CARF: variants seen among roughly 807,000 people sequenced by gnomAD.
The protein encoded by CARF is calcium-responsive transcription factor.
Under a neutral mutation model 82.0 loss-of-function variants are expected in CARF, and 57 were observed. The ratio of observed to expected loss-of-function variants is 0.70; its 90% CI spans 0.56 to 0.87. The LOEUF (loss-of-function observed/expected upper bound fraction) is 0.87, where lower values mean the gene tolerates loss of function less well. Among genes scored for constraint, CARF ranks in the 40% least tolerant of loss-of-function variants. The probability of loss-of-function intolerance (pLI) is 0.00; values close to 1 mark genes in which losing one functional copy is unlikely to be tolerated. For missense variants in CARF, 771 were observed against 855.8 expected, an observed-to-expected ratio of 0.90 and a Z score of 1.24; for synonymous variants, 268 against 290.1, an observed-to-expected ratio of 0.92 and a Z score of 0.77.
chr2:202,966,951 A>G (rs1392124529), intron 9 of CARF, 27 bp from the exon 10 acceptor site: 4 of 1,608,708 alleles, frequency 2.5e-6, no homozygotes, highest in Non-Finnish European at 3.4e-6. Flanking sequence ...ACTTGAATTA[A>G]TATCAATAGT....
chr2:202,958,066 ATATT>A (rs1338813440), intron 8 of CARF, among the ~76,000 whole-genome samples: 1 of 152,228 alleles, frequency 6.6e-6, no homozygotes, highest in Admixed American at 6.5e-5. Flanking sequence ...ATGGTAGTGA[ATATT>A]TAACTATCAG....
intron 3 of CARF, among the ~76,000 whole-genome samples, chr2:202,940,940 T>C (rs1313500529): frequency 6.6e-6 from 1 of 152,122 alleles, no homozygotes; most frequent in African/African-American, 2.4e-5. Context: ...TTGTTTTGTA[T>C]GTTTTGTAGC....
At chr2:202,919,722 G>C (rs1263424506) in intron 2 of CARF, among the ~76,000 whole-genome samples, 1 of 152,080 alleles carries the variant, frequency 6.6e-6, no homozygotes, top group East Asian at 1.9e-4. Context: ...ACTAATAAAG[G>C]CAGAAGAGAG....
chr2:202,937,587 A>G (rs1015971704), intron 3 of CARF, among the ~76,000 whole-genome samples: 1 of 151,926 alleles, frequency 6.6e-6, no homozygotes, highest in South Asian at 2.1e-4. Context: ...ATGTGCTTGT[A>G]TGGCATGACT....
chr2:202,955,628 G>A (rs769928019), intron 7 of CARF, 46 bp from the exon 8 acceptor site: 1 of 1,369,828 alleles, frequency 7.3e-7, no homozygotes, highest in South Asian at 1.3e-5. Context: ...TGCATTTTGT[G>A]TGTTCATTGA....
Position 202,954,144 on chromosome 2 carries a change from C to T in CARF, c.557+10C>T, listed in dbSNP as rs747625428. 7.5e-6 allele frequency: 12 copies of T among 1,603,016 alleles called. No individual in the cohort carries two copies. Among genetic ancestry groups the T allele is most frequent in the Admixed American group, 3.5e-5 (2 of 57,094 alleles). ...AAAAGTCAGTGACCGGGTGAGTCCA[C>T]GGGAAAGAGAAGCTCATCTTTTAAT... On this transcript the variant is annotated intron_variant, in intron 7 of 16. Coordinates refer to ENST00000438828, the MANE Select transcript of CARF (RefSeq NM_024744.17).
intron 11 of CARF, among the ~76,000 whole-genome samples, chr2:202,970,421 C>A (rs373223196): frequency 5.9e-5 from 9 of 152,062 alleles, no homozygotes; most frequent in Non-Finnish European, 1.0e-4. Context: ...AAACTTCAGC[C>A]GCCTGTCATT....
At chr2:202,930,144 C>T (rs573914847) in intron 3 of CARF, among the ~76,000 whole-genome samples, 1 of 152,102 alleles carries the variant, frequency 6.6e-6, no homozygotes, top group Non-Finnish European at 1.5e-5. Context: ...GCCTCCTGGG[C>T]TCAAGCGATT....
intron 3 of CARF, among the ~76,000 whole-genome samples, chr2:202,928,512 A>G (rs1279687774): frequency 6.6e-6 from 1 of 152,084 alleles, no homozygotes; most frequent in Non-Finnish European, 1.5e-5. Flanking sequence ...GCTGGATCAT[A>G]TGGTAGTCTA....
intron 2 of CARF, among the ~76,000 whole-genome samples, chr2:202,923,508 A>T (rs1033343041): frequency 6.6e-6 from 1 of 152,256 alleles, no homozygotes; most frequent in African/African-American, 2.4e-5. Context: ...TCCCATGTTC[A>T]TGGATGGGTA....
intron 8 of CARF, among the ~76,000 whole-genome samples, chr2:202,960,487 T>G (rs2059262580): frequency 6.6e-6 from 1 of 152,054 alleles, no homozygotes; most frequent in African/African-American, 2.4e-5. Flanking sequence ...TGACCTCAGG[T>G]GATCTGCCCA....
chr2:202,939,177 A>G (rs760257798), intron 3 of CARF, among the ~76,000 whole-genome samples: 2 of 152,138 alleles, frequency 1.3e-5, no homozygotes, highest in Non-Finnish European at 2.9e-5. Context: ...CTGTGGATTC[A>G]TGTCTTTAGT....
At position 202,977,218 on chromosome 2, in the gene CARF, T is replaced by C. The variant is rs1191610283; in HGVS notation, c.1495-51T>C. On this transcript the variant is annotated intron_variant, in intron 13 of 16. Transcript: ENST00000438828. ...ACAGTCGTAATGACGTCTTAAGATA[T>C]TTTTCAATATAAGAGCTTTATTTTT... The C allele has an allele frequency of 6.7e-6, 9 of 1,347,416 alleles. No homozygotes were observed. The East Asian group carries it at 2.1e-4, about 31-fold the overall frequency. The allele number at this position is 1,347,416 out of a possible 1,614,324, so 83.5% of individuals were successfully genotyped here.
chr2:202,922,284 T>A (rs1690975773), intron 2 of CARF, among the ~76,000 whole-genome samples: 1 of 152,012 alleles, frequency 6.6e-6, no homozygotes, highest in Non-Finnish European at 1.5e-5. Context: ...AGCTAATTTT[T>A]AAAAATTTTT....
chr2:202,927,035 C>T (rs1574499918), intron 3 of CARF, among the ~76,000 whole-genome samples: 2 of 152,016 alleles, frequency 1.3e-5, no homozygotes, highest in African/African-American at 2.4e-5. Context: ...TGGCTGGTCT[C>T]GAACTCCTGA....
At chr2:202,925,283 A>C (rs373768511) in intron 3 of CARF, 1 of 360,044 alleles carries the variant, frequency 2.8e-6, no homozygotes, top group East Asian at 7.1e-5. Flanking sequence ...CACCTGGAAG[A>C]GCTGACTGAC....
intron 3 of CARF, among the ~76,000 whole-genome samples, chr2:202,939,437 G>A (rs1043808909): frequency 6.6e-6 from 1 of 151,888 alleles, no homozygotes; most frequent in African/African-American, 2.4e-5. Context: ...TGTGTTTATC[G>A]GGATAGTAAC....
rs570975354 is a variant in CARF, at chr2:202,912,383, C to T, written c.-1049C>T. 6.6e-6 allele frequency: 1 copy of T among 151,676 alleles called. No individual in the cohort carries two copies. Among genetic ancestry groups the T allele is most frequent in the African/African-American group, 2.4e-5 (1 of 41,426 alleles). The allele number at this position is 151,676 out of a possible 1,614,324, so 9.4% of individuals were successfully genotyped here. A position where few individuals can be genotyped will look rare whatever the true frequency, so the allele number is the denominator to read the frequency against. On this transcript the variant is annotated 5_prime_UTR_variant, in exon 1 of 17. Transcript: ENST00000438828. ...TGCTCCGGCGGACTTCCCATGTCGC[C>T]TTGTGGGGCTATCGGCGGCGGCAGG...
intron 8 of CARF, among the ~76,000 whole-genome samples, chr2:202,958,431 A>AT (rs909402234): frequency 3.3e-5 from 5 of 152,160 alleles, no homozygotes; most frequent in Admixed American, 2.0e-4. Flanking sequence ...TATTAAAACA[A>AT]TCATGCAACC....
Sources: gnomAD v4.1 joint callset for allele counts (sites outside exome capture counted in the v4.1 genomes callset) on GRCh38, gnomAD v4.1.1 for gene constraint, MANE v1.5 for transcripts, NCBI Gene and HGNC (gene_info 2026-07-23, HGNC 2026-07-21) for gene names.